Variants in PRKN observed in about 807,000 individuals in gnomAD.
PRKN encodes parkin RBR E3 ubiquitin protein ligase, also known as E3 ubiquitin-protein ligase parkin.
A neutral mutation model predicts 59.5 loss-of-function variants in PRKN; 56 were observed. That is an observed-to-expected ratio of 0.94 (90% CI 0.76 to 1.18). PRKN has a LOEUF of 1.18. Ranked by LOEUF, PRKN falls within the 50% of genes most tolerant of loss-of-function variation. The pLI is 0.00. For missense variants in PRKN, 657 were observed against 596.4 expected (o/e 1.10, Z -1.06); for synonymous variants, 250 against 222.1 (o/e 1.13, Z -1.12).
chr6:161,578,434 A>G lies in PRKN; in HGVS notation c.872-9018T>C, dbSNP rs920261482. 6.6e-6 allele frequency among the ~76,000 whole-genome samples: 1 copy of G among 152,226 alleles called. No homozygotes were observed. The highest frequency in any genetic ancestry group is 1.5e-5 in the Non-Finnish European group (1 of 68,046). On this transcript the variant is annotated intron_variant, in intron 7 of 11. Coordinates refer to ENST00000366898, the MANE Select transcript of PRKN (RefSeq NM_004562.3). This position sits in a 1 kb window ranked among gnomAD's most constrained non-coding sequence, Gnocchi z 4.2. Reference sequence around the variant, plus strand: ...TGAGTAGCCATCTCTCTTAACAGGAAATCAGACGGTTCACCTGGGCAATAA... The same window carrying G: ...TGAGTAGCCATCTCTCTTAACAGGAGATCAGACGGTTCACCTGGGCAATAA...
At chr6:162,519,865 C>A (rs573545985) in intron 1 of PRKN, among the ~76,000 whole-genome samples, 32 of 152,262 alleles carry the variant, frequency 2.1e-4, no homozygotes, top group African/African-American at 7.0e-4. Flanking sequence ...AAAAACTATT[C>A]ATGATTTAGA....
intron 9 of PRKN, among the ~76,000 whole-genome samples, chr6:161,489,920 C>T (rs547851565): frequency 1.3e-5 from 2 of 152,174 alleles, no homozygotes; most frequent in Non-Finnish European, 2.9e-5. Context: ...ATTTGAGTTC[C>T]GATGGCTCCT....
chr6:162,306,569 A>G (rs1441316945), intron 2 of PRKN, among the ~76,000 whole-genome samples: 1 of 152,228 alleles, frequency 6.6e-6, no homozygotes, highest in African/African-American at 2.4e-5. Flanking sequence ...GAATTGTGTG[A>G]AAATTGTTTT....
At chr6:162,163,522 GA>G (rs1782849975) in intron 4 of PRKN, among the ~76,000 whole-genome samples, 1 of 149,306 alleles carries the variant, frequency 6.7e-6, no homozygotes, top group African/African-American at 2.5e-5. Flanking sequence ...AGAAACAGGG[GA>G]AAAACAGGTA....
intron 7 of PRKN, among the ~76,000 whole-genome samples, chr6:161,690,660 A>T (rs535609749): frequency 6.6e-6 from 1 of 152,120 alleles, no homozygotes; most frequent in Non-Finnish European, 1.5e-5. Flanking sequence ...ATCACTAAGG[A>T]CCCGAACAGA....
At chr6:161,732,658 G>C (rs1228318149) in intron 7 of PRKN, among the ~76,000 whole-genome samples, 1 of 152,136 alleles carries the variant, frequency 6.6e-6, no homozygotes, top group Non-Finnish European at 1.5e-5. Flanking sequence ...TTGGTTTTCT[G>C]TTGCTGTGTT....
At chr6:161,741,756 A>G (rs1788196055) in intron 7 of PRKN, among the ~76,000 whole-genome samples, 2 of 152,196 alleles carry the variant, frequency 1.3e-5, no homozygotes, top group African/African-American at 2.4e-5. Flanking sequence ...TCCCAAATTA[A>G]TAAGAACTAT....
chr6:162,163,778 T>A (rs1479294931), intron 4 of PRKN, among the ~76,000 whole-genome samples: 1 of 145,668 alleles, frequency 6.9e-6, no homozygotes, highest in African/African-American at 2.6e-5. Context: ...CCTTGCACAT[T>A]TATATCCATG....
At chr6:161,629,914 T>C (rs1358329407) in intron 7 of PRKN, among the ~76,000 whole-genome samples, 1 of 152,216 alleles carries the variant, frequency 6.6e-6, no homozygotes, top group African/African-American at 2.4e-5. Context: ...GCTTCCACTC[T>C]GTGACAATAG....
intron 4 of PRKN, among the ~76,000 whole-genome samples, chr6:162,060,061 C>G (rs556570209): frequency 7.9e-5 from 12 of 152,308 alleles, no homozygotes; most frequent in Admixed American, 5.2e-4. Flanking sequence ...CAGCCTATCA[C>G]GTTTACTGTC....
chr6:162,714,818 C>T (rs1038774962), intron 1 of PRKN, among the ~76,000 whole-genome samples: 6 of 152,156 alleles, frequency 3.9e-5, no homozygotes, highest in East Asian at 1.9e-4. Context: ...AAAGCATCTA[C>T]GTAATTTACA....
intron 2 of PRKN, among the ~76,000 whole-genome samples, chr6:162,291,137 A>T (rs569928986): frequency 6.6e-6 from 1 of 152,256 alleles, no homozygotes; most frequent in East Asian, 1.9e-4. Context: ...TCCCAAGGGT[A>T]GAAGAGAGAA....
rs61537965 is a variant in PRKN at position 161,946,414 on chromosome 6, ACTCTCTCTCTCTCT to A, written c.734+26874_734+26887del. On this transcript the variant is annotated intron_variant, in intron 6 of 11. Transcript: ENST00000366898. Reference sequence around the variant, plus strand: ...CACACACACACACACACACACACACACTCTCTCTCTCTCTCTCTCTCTCTCTCTCTCTCTCTCAA... The same window carrying A: ...CACACACACACACACACACACACACACTCTCTCTCTCTCTCTCTCTCTCAA... Among the ~76,000 whole-genome samples, 105 of 114,442 alleles carry A rather than the reference ACTCTCTCTCTCTCT, an allele frequency of 9.2e-4. 1 individual carries two copies. The highest frequency in any genetic ancestry group is 5.5e-3 in the Admixed American group (62 of 11,180). The allele number at this position is 114,442 out of a possible 152,430, so 75.1% of individuals were successfully genotyped here. A position where few individuals can be genotyped will look rare whatever the true frequency, so the allele number is the denominator to read the frequency against.
At position 162,166,047 on chromosome 6, in the gene PRKN, C is replaced by CAAAAAAAAA. The variant is rs10557222; in HGVS notation, c.534+35075_534+35083dup. Among the ~76,000 whole-genome samples, 504 of 80,164 alleles carry CAAAAAAAAA rather than the reference C, an allele frequency of 6.3e-3. 17 individuals are homozygous for CAAAAAAAAA. The highest frequency in any genetic ancestry group is 0.024 in the African/African-American group (474 of 19,564). The allele number at this position is 80,164 out of a possible 152,430, so 52.6% of individuals were successfully genotyped here. ...TGGGCAACAGAGCGAGACTCTATCT[C>CAAAAAAAAA]AAAAAAAAAAAAAAAAAAAAAAAAG... On this transcript the variant is annotated intron_variant, in intron 4 of 11. Coordinates refer to ENST00000366898, the MANE Select transcript of PRKN (RefSeq NM_004562.3).
At chr6:162,284,690 T>G (rs1158863564) in intron 2 of PRKN, among the ~76,000 whole-genome samples, 1 of 152,174 alleles carries the variant, frequency 6.6e-6, no homozygotes, top group Non-Finnish European at 1.5e-5. Flanking sequence ...ACAACTCAGG[T>G]CCTCCGTTTG....
At chr6:162,380,778 A>G (rs931156973) in intron 2 of PRKN, among the ~76,000 whole-genome samples, 6 of 151,994 alleles carry the variant, frequency 3.9e-5, no homozygotes, top group African/African-American at 1.4e-4. Context: ...CAAATTGTCA[A>G]TTTCAACTGG....
chr6:161,945,112 T>A (rs1035961220), intron 6 of PRKN, among the ~76,000 whole-genome samples: 27 of 151,766 alleles, frequency 1.8e-4, no homozygotes, highest in African/African-American at 3.9e-4. Context: ...ATAACTTTTT[T>A]AAAAAAAAGC....
intron 5 of PRKN, among the ~76,000 whole-genome samples, chr6:162,014,333 G>T (rs1396395862): frequency 2.0e-5 from 3 of 152,154 alleles, no homozygotes; most frequent in Admixed American, 2.0e-4. Flanking sequence ...GGCCAGTCAG[G>T]CTTTTTTACG....
At chr6:162,271,824 G>C (rs571951394) in intron 2 of PRKN, among the ~76,000 whole-genome samples, 22 of 152,156 alleles carry the variant, frequency 1.4e-4, no homozygotes, top group African/African-American at 5.1e-4. Flanking sequence ...TTTAAAAAAA[G>C]GGGGACTTCT....
Sources: gnomAD v4.1 joint callset for allele counts (sites outside exome capture counted in the v4.1 genomes callset) on GRCh38, gnomAD v4.1.1 for gene constraint, Gnocchi (gnomAD v3.1) non-coding constraint, MANE v1.5 for transcripts, NCBI Gene and HGNC (gene_info 2026-07-23, HGNC 2026-07-21) for gene names.